AFAP1: variants seen among roughly 807,000 people sequenced by gnomAD.
AFAP1 encodes the protein actin filament associated protein 1.
A neutral mutation model predicts 93.9 loss-of-function variants in AFAP1; 75 were observed. That is an observed-to-expected ratio of 0.80 (90% CI 0.66 to 0.97). The LOEUF (loss-of-function observed/expected upper bound fraction) is 0.97. Ranked by LOEUF, AFAP1 falls within the 50% of genes least tolerant of loss-of-function variation. The pLI is 0.00. For synonymous variants in AFAP1, 517 were observed against 430.7 expected, an observed-to-expected ratio of 1.20 and a Z score of -2.48; for missense variants, 1,201 against 1,050.8, an observed-to-expected ratio of 1.14 and a Z score of -1.98.
intron 11 of AFAP1, among the ~76,000 whole-genome samples, chr4:7,791,908 T>C (rs1397750137): frequency 6.7e-6 from 1 of 150,032 alleles, no homozygotes; most frequent in African/African-American, 2.5e-5. Flanking sequence ...CGTGGCAGAG[T>C]GTTCACGTCT....
chr4:7,767,981 T>G (rs1714850395), intron 17 of AFAP1, among the ~76,000 whole-genome samples: 1 of 152,028 alleles, frequency 6.6e-6, no homozygotes, highest in African/African-American at 2.4e-5. Context: ...GAGGCTGAGG[T>G]GGGAGGATCA....
chr4:7,908,379 G>A (rs1719549838), intron 1 of AFAP1, among the ~76,000 whole-genome samples: 1 of 152,180 alleles, frequency 6.6e-6, no homozygotes, highest in African/African-American at 2.4e-5. Flanking sequence ...GCATGAGGCA[G>A]GGATCATATA....
intron 1 of AFAP1, among the ~76,000 whole-genome samples, chr4:7,879,584 G>C (rs1717723008): frequency 6.6e-6 from 1 of 152,044 alleles, no homozygotes; most frequent in Non-Finnish European, 1.5e-5. Flanking sequence ...TTCCCAAAGT[G>C]ACGGCAAAAT....
intron 1 of AFAP1, among the ~76,000 whole-genome samples, chr4:7,889,156 T>C (rs1718297025): frequency 6.6e-6 from 1 of 152,158 alleles, no homozygotes; most frequent in Non-Finnish European, 1.5e-5. Flanking sequence ...TAAGACCAAA[T>C]GGAGTTTACC....
intron 9 of AFAP1, among the ~76,000 whole-genome samples, chr4:7,804,767 C>A (rs1200899961): frequency 6.6e-6 from 1 of 152,192 alleles, no homozygotes; most frequent in Admixed American, 6.5e-5. Flanking sequence ...CCAAAACGTT[C>A]AACACTTTTG....
chr4:7,912,942 G>A (rs1283018329), intron 1 of AFAP1, among the ~76,000 whole-genome samples: 2 of 152,050 alleles, frequency 1.3e-5, no homozygotes, highest in African/African-American at 4.8e-5. Flanking sequence ...TGACTCTTGG[G>A]CTCAAGTTAT....
chr4:7,938,694 C>G (rs1477030501), intron 1 of AFAP1, among the ~76,000 whole-genome samples: 4 of 152,188 alleles, frequency 2.6e-5, no homozygotes, highest in African/African-American at 4.8e-5. Flanking sequence ...CTTCCACTCT[C>G]CAGGCGCTGA....
chr4:7,886,519 G>A (rs1336666567), intron 1 of AFAP1, among the ~76,000 whole-genome samples: 3 of 152,130 alleles, frequency 2.0e-5, no homozygotes, highest in African/African-American at 7.2e-5. Context: ...CTAGGTCCTG[G>A]GAATGTTCCT....
chr4:7,924,812 A>T (rs1236036147), intron 1 of AFAP1, among the ~76,000 whole-genome samples: 1 of 152,106 alleles, frequency 6.6e-6, no homozygotes, highest in Non-Finnish European at 1.5e-5. Flanking sequence ...CTCTCTCGAC[A>T]ACCCAGAAAG....
intron 1 of AFAP1, among the ~76,000 whole-genome samples, chr4:7,902,736 T>C (rs1405299727): frequency 7.9e-5 from 12 of 152,166 alleles, no homozygotes; most frequent in Non-Finnish European, 1.5e-5. Flanking sequence ...GAAGATGGCT[T>C]TAGCAGTAAG....
intron 1 of AFAP1, among the ~76,000 whole-genome samples, chr4:7,878,728 G>C (rs1717668204): frequency 6.6e-6 from 1 of 152,206 alleles, no homozygotes; most frequent in Admixed American, 6.5e-5. Flanking sequence ...TTTCAAGATA[G>C]ACACTGTTTT....
intron 12 of AFAP1, among the ~76,000 whole-genome samples, chr4:7,782,641 T>G (rs16841229): frequency 0.15 from 23,444 of 152,164 alleles, 2,043 homozygotes; most frequent in African/African-American, 0.22. Context: ...GTAAAGGTCT[T>G]TATAAATCGC....
rs1714056830 is a variant in AFAP1 at position 7,763,187 on chromosome 4, A to C, written c.*578T>G. ...AATAATAAAAGGTAAAAAACGTTTC[A>C]CAGCGCGATTTTCTCATGCCTTTAC... On this transcript the variant is annotated 3_prime_UTR_variant, in exon 18 of 18. Coordinates refer to ENST00000420658, the MANE Select transcript of AFAP1 (RefSeq NM_001134647.2). 1 of 152,746 alleles carries C rather than the reference A, an allele frequency of 6.5e-6. No individual in the cohort carries two copies. The highest frequency in any genetic ancestry group is 1.5e-5 in the Non-Finnish European group (1 of 68,132). 9.5% of individuals were successfully genotyped at this position (152,746 alleles called of 1,614,324 possible). A position where few individuals can be genotyped will look rare whatever the true frequency, so the allele number is the denominator to read the frequency against.
At chr4:7,771,099 C>T (rs972004513) in intron 16 of AFAP1, among the ~76,000 whole-genome samples, 6 of 152,316 alleles carry the variant, frequency 3.9e-5, no homozygotes, top group African/African-American at 9.6e-5. Context: ...CAGATCTGTC[C>T]GCATCTGACA....
chr4:7,801,402 T>C (rs1037215159), intron 9 of AFAP1, among the ~76,000 whole-genome samples: 8 of 151,916 alleles, frequency 5.3e-5, no homozygotes, highest in African/African-American at 1.9e-4. Context: ...AGAGGAGTGG[T>C]AGAATGACAG....
At chr4:7,839,330 T>A (rs1299050898) in intron 5 of AFAP1, among the ~76,000 whole-genome samples, 6 of 151,312 alleles carry the variant, frequency 4.0e-5, no homozygotes, top group South Asian at 2.1e-4. Context: ...AGACTCTGTC[T>A]CCAACTAACA....
intron 4 of AFAP1, among the ~76,000 whole-genome samples, chr4:7,854,097 A>C (rs34598003): frequency 0.12 from 17,703 of 152,244 alleles, 1,294 homozygotes; most frequent in Non-Finnish European, 0.17. Context: ...ATGCTAGAAA[A>C]TACCCTCAAT....
chr4:7,768,128 G>A (rs1375118013), intron 17 of AFAP1, among the ~76,000 whole-genome samples: 1 of 152,236 alleles, frequency 6.6e-6, no homozygotes, highest in East Asian at 1.9e-4. Context: ...GCCGGTACAG[G>A]AGGACTCCCG....
At chr4:7,875,437 T>C (rs1270288432) in intron 1 of AFAP1, among the ~76,000 whole-genome samples, 1 of 152,174 alleles carries the variant, frequency 6.6e-6, no homozygotes, top group Non-Finnish European at 1.5e-5. Flanking sequence ...ATCAATTTCT[T>C]GATTCTAAGC....
Sources: gnomAD v4.1 joint callset for allele counts (sites outside exome capture counted in the v4.1 genomes callset) on GRCh38, gnomAD v4.1.1 for gene constraint, MANE v1.5 for transcripts, NCBI Gene and HGNC (gene_info 2026-07-23, HGNC 2026-07-21) for gene names.